WRN: variants seen among roughly 807,000 people sequenced by gnomAD.
The protein encoded by WRN is WRN RecQ like helicase.
WRN carries 149 observed loss-of-function variants against 180.7 expected under a neutral mutation model. The observed-to-expected ratio is 0.82, with a 90% CI of 0.72 to 0.94. The LOEUF is 0.94. Ranked by LOEUF, WRN falls within the 40% of genes least tolerant of loss-of-function variation. The pLI, the probability that WRN is intolerant of heterozygous loss-of-function variation, is 0.00. For missense variants in WRN, 1,661 were observed against 1,700.1 expected, an observed-to-expected ratio of 0.98 and a Z score of 0.40; for synonymous variants, 548 against 568.9, an observed-to-expected ratio of 0.96 and a Z score of 0.52.
At position 31,141,438 on chromosome 8, in the gene WRN, G is replaced by T. The variant is rs1802623961; in HGVS notation, c.2976G>T (p.Gln992His). 2.5e-6 allele frequency: 4 copies of T among 1,614,020 alleles called. No homozygotes were observed. The stretch of plus-strand genomic sequence containing the variant: ...TTTATTCCTAATTTCAGAATTCTCA[G>T]CGTCTTGCCGATCAATATCGCAGGC... ...PILFLRGSNS[Q>H]RLADQYRRHS... Residue 992 changes from glutamine (Q) to histidine (H), a missense_variant, in exon 25 of 35, where the codon CAG becomes CAT. By Grantham distance (24) the Gln-to-His change is conservative (BLOSUM62 0). Transcript: ENST00000298139.
At chr8:31,110,826 T>C (rs1185304218) in intron 18 of WRN, among the ~76,000 whole-genome samples, 4 of 152,230 alleles carry the variant, frequency 2.6e-5, no homozygotes, top group Non-Finnish European at 5.9e-5. Flanking sequence ...TTTCTGATTA[T>C]GAAATAATAC....
intron 7 of WRN, among the ~76,000 whole-genome samples, chr8:31,070,782 C>T (rs530911658): frequency 5.3e-5 from 8 of 152,156 alleles, no homozygotes; most frequent in South Asian, 2.1e-4. Context: ...CAGTGGCTCA[C>T]GCCTGTAATC....
At chr8:31,106,583 G>A (rs1434416112) in intron 18 of WRN, among the ~76,000 whole-genome samples, 3 of 151,846 alleles carry the variant, frequency 2.0e-5, no homozygotes, top group Non-Finnish European at 2.9e-5. Context: ...CCCTGAATAC[G>A]TTTCCCCCAC....
At chr8:31,122,360 G>A (rs573527994) in intron 21 of WRN, among the ~76,000 whole-genome samples, 150 of 152,068 alleles carry the variant, frequency 9.9e-4, no homozygotes, top group African/African-American at 3.5e-3. Context: ...CACCTGGAAA[G>A]GTCAGTTACT....
At chr8:31,153,615 T>A (rs1049587686) in intron 31 of WRN, among the ~76,000 whole-genome samples, 9 of 152,128 alleles carry the variant, frequency 5.9e-5, no homozygotes, top group Admixed American at 5.2e-4. Context: ...TAAAATGTAA[T>A]CCCCCAAAGT....
chr8:31,152,180 G>A (rs1476463448), intron 31 of WRN, among the ~76,000 whole-genome samples: 1 of 152,028 alleles, frequency 6.6e-6, no homozygotes, highest in Non-Finnish European at 1.5e-5. Context: ...TGTGATTCTA[G>A]TAAGCAAAAA....
intron 34 of WRN, chr8:31,171,049 A>C (rs145782587): frequency 6.6e-6 from 1 of 152,190 alleles, no homozygotes; most frequent in Admixed American, 6.5e-5. Flanking sequence ...GTTATGTACT[A>C]TTATTTCCAT....
chr8:31,085,020 A>G lies in WRN; in HGVS notation c.1351-146A>G, dbSNP rs536354078. The G allele has an allele frequency of 3.9e-5, 19 of 490,842 alleles. No individual in the cohort carries two copies. In the East Asian group the frequency reaches 6.7e-4, roughly 17 times the overall value. The allele number at this position is 490,842 out of a possible 1,614,324, so 30.4% of individuals were successfully genotyped here. On this transcript the variant is annotated intron_variant, in intron 10 of 34. Transcript: ENST00000298139. ...TCTCTCTCTCCCTTTTTTATCTATC[A>G]TATAAATATGTAAATATATATTATA... is the stretch of plus-strand genomic sequence containing the variant.
At chr8:31,049,418 G>A (rs1226483995) in intron 1 of WRN, among the ~76,000 whole-genome samples, 7 of 151,264 alleles carry the variant, frequency 4.6e-5, no homozygotes, top group African/African-American at 1.7e-4. Flanking sequence ...TGTAGTCCCA[G>A]CTACTTGGGA....
intron 1 of WRN, among the ~76,000 whole-genome samples, chr8:31,054,315 A>G (rs1812183435): frequency 6.6e-6 from 1 of 152,222 alleles, no homozygotes; most frequent in East Asian, 1.9e-4. Flanking sequence ...TTTTTATACC[A>G]CCTGTGAATG....
At chr8:31,150,075 G>C (rs543930336) in intron 30 of WRN, among the ~76,000 whole-genome samples, 1 of 152,278 alleles carries the variant, frequency 6.6e-6, no homozygotes, top group East Asian at 1.9e-4. Flanking sequence ...ATGTTAACCT[G>C]TTCCTTTATG....
In WRN at chr8:31,076,211, A is replaced by G. The variant is rs1813087969; in HGVS notation, c.763A>G (p.Thr255Ala). 1 of 1,613,858 alleles carries G rather than the reference A, an allele frequency of 6.2e-7. No homozygotes were observed. The highest frequency in any genetic ancestry group is 8.5e-7 in the Non-Finnish European group (1 of 1,179,912). Residue 255 changes from threonine to alanine, a missense_variant, in exon 8 of 35, where the codon ACT becomes GCT. By Grantham distance (58) the Thr-to-Ala change is moderately conservative. Coordinates refer to ENST00000298139, the MANE Select transcript of WRN (RefSeq NM_000553.6). ...ACTTAGCGACATGAACAAACAGTTG[A>G]CTTCAATCTCTGAGGAAGTGATGGA... Reference protein sequence around the residue: ...ILLSDMNKQLTSISEEVMDLA... With the variant: ...ILLSDMNKQLASISEEVMDLA...
chr8:31,047,680 G>A lies in WRN; in HGVS notation c.-76-10692G>A, dbSNP rs970104172. Among the ~76,000 whole-genome samples the A allele has an allele frequency of 8.5e-5, 13 of 152,222 alleles. No individual in the cohort carries two copies. In the East Asian group the frequency reaches 1.4e-3, roughly 16 times the overall value. Reference sequence around the variant, plus strand: ...TATAAAATTTTATTTCAGGCCATACGAAGTAACAGTAATAAATATAAAAGG... The same window carrying A: ...TATAAAATTTTATTTCAGGCCATACAAAGTAACAGTAATAAATATAAAAGG... On this transcript the variant is annotated intron_variant, in intron 1 of 34. Transcript: ENST00000298139.
At chr8:31,130,024 A>AC (rs1554530277) in intron 23 of WRN, among the ~76,000 whole-genome samples, 3 of 138,482 alleles carry the variant, frequency 2.2e-5, no homozygotes, top group African/African-American at 8.8e-5. Context: ...ACAAAACAAA[A>AC]CAAAAAAAAA....
chr8:31,172,110 G>A (rs1378831767), intron 34 of WRN, among the ~76,000 whole-genome samples: 1 of 151,780 alleles, frequency 6.6e-6, no homozygotes, highest in Non-Finnish European at 1.5e-5. Flanking sequence ...TTTTTCATGT[G>A]CAGATGGTAT....
Position 31,064,928 on chromosome 8 carries a change from A to G in WRN, c.369A>G (p.Gly123=), listed in dbSNP as rs1221367390. The G allele has an allele frequency of 6.2e-7, 1 of 1,613,632 alleles. No individual in the cohort carries two copies. The highest frequency in any genetic ancestry group is 1.7e-5 in the Admixed American group (1 of 60,014). The change falls in exon 5 of 35, where the codon GGA becomes GGG. Residue 123 remains glycine, a synonymous_variant. Coordinates refer to ENST00000298139, the MANE Select transcript of WRN (RefSeq NM_000553.6). ...AAAATGTTACAGTTTTTCCCCAGGG[A>G]TTAAAAATGTTGCTTGAAAATAAAG... ...HVSSMSVFPQ[G]LKMLLENKAV...
chr8:31,171,647 C>T (rs541271270), intron 34 of WRN: 1 of 152,220 alleles, frequency 6.6e-6, no homozygotes, highest in South Asian at 2.1e-4. Context: ...TGTGAAAAGC[C>T]CTTTTTTCTA....
At chr8:31,059,101 T>G in intron 2 of WRN, 52 bp from the exon 3 acceptor site, 7 of 1,297,482 alleles carry the variant, frequency 5.4e-6, no homozygotes, top group Non-Finnish European at 7.9e-6. Context: ...TCAGTGAACA[T>G]TTGTTATTTG....
At chr8:31,087,013 A>T in intron 11 of WRN, among the ~76,000 whole-genome samples, 1 of 152,164 alleles carries the variant, frequency 6.6e-6, no homozygotes. Context: ...AAACAGAAAC[A>T]CTTCTTTCTT....
Sources: gnomAD v4.1 joint callset for allele counts (sites outside exome capture counted in the v4.1 genomes callset) on GRCh38, gnomAD v4.1.1 for gene constraint, MANE v1.5 for transcripts, NCBI Gene and HGNC (gene_info 2026-07-23, HGNC 2026-07-21) for gene names.